Variants in SMOC2 observed in about 807,000 individuals in gnomAD.
The protein encoded by SMOC2 is SPARC-related modular calcium-binding protein 2.
In SMOC2, 39 loss-of-function variants were observed where a neutral mutation model predicts 61.4. The ratio of observed to expected loss-of-function variants is 0.64; its 90% confidence interval spans 0.49 to 0.83. SMOC2 has a LOEUF of 0.83. Ranked by LOEUF, SMOC2 falls within the 40% of genes least tolerant of loss-of-function variation. SMOC2 has a pLI of 0.00. For synonymous variants in SMOC2, 247 were observed against 239.9 expected (o/e 1.03, Z -0.27); for missense variants, 556 against 592.9 (o/e 0.94, Z 0.65).
chr6:168,547,353 C>A (rs1043387135), intron 6 of SMOC2, among the ~76,000 whole-genome samples, 184 bp downstream of exon 6: 41 of 150,932 alleles, frequency 2.7e-4, no homozygotes, highest in African/African-American at 1.0e-3. Flanking sequence ...AAAAAACAAA[C>A]AAACAAAACT....
intron 9 of SMOC2, among the ~76,000 whole-genome samples, chr6:168,622,540 C>G (rs1370217494): frequency 2.0e-5 from 3 of 152,028 alleles, no homozygotes; most frequent in Non-Finnish European, 4.4e-5. Flanking sequence ...GCTTTTCTTG[C>G]ACGTACCATT....
rs780441208 is a variant in SMOC2 at position 168,510,100 on chromosome 6, T to C, written c.256+14T>C. 8.7e-6 allele frequency: 14 copies of C among 1,610,420 alleles called. No homozygotes were observed. The highest frequency in any genetic ancestry group is 3.3e-5 in the Admixed American group (2 of 59,924). ...GAAACTGCAAAGGTAAGCTGCTGTT[T>C]GATCATTCATCCAAAGATGGGTACA... On this transcript the variant is annotated intron_variant, in intron 2 of 12. Transcript: ENST00000356284.
At chr6:168,459,671 T>G (rs1583031745) in intron 1 of SMOC2, among the ~76,000 whole-genome samples, 2 of 26,688 alleles carry the variant, frequency 7.5e-5, no homozygotes, top group Non-Finnish European at 1.4e-4. Flanking sequence ...AGCACTGGAG[T>G]GGGTGAGCCC....
chr6:168,608,364 C>T (rs936183480), intron 9 of SMOC2, 125 bp downstream of exon 9: 133 of 1,068,570 alleles, frequency 1.2e-4, no homozygotes, highest in Non-Finnish European at 1.7e-4. Context: ...TCTGAGGCCT[C>T]CTACCTCCTT....
chr6:168,620,048 G>T (rs1281143783), intron 9 of SMOC2, among the ~76,000 whole-genome samples: 1 of 152,200 alleles, frequency 6.6e-6, no homozygotes, highest in Non-Finnish European at 1.5e-5. Context: ...CCTGCACCAG[G>T]TTGCTCAGGC....
At chr6:168,643,821 A>C (rs1448019986) in intron 9 of SMOC2, among the ~76,000 whole-genome samples, 2 of 152,194 alleles carry the variant, frequency 1.3e-5, no homozygotes, top group African/African-American at 4.8e-5. Flanking sequence ...TGTGCTGATT[A>C]GTTTCACCAG....
intron 10 of SMOC2, 52 bp from the exon 11 acceptor site, chr6:168,652,902 A>T: frequency 1.3e-6 from 2 of 1,571,744 alleles, no homozygotes; most frequent in Non-Finnish European, 1.7e-6. Flanking sequence ...AGTGGCCAGG[A>T]AGGAGCAGCC....
intron 1 of SMOC2, among the ~76,000 whole-genome samples, chr6:168,474,630 A>G (rs1157735119): frequency 1.3e-5 from 2 of 152,130 alleles, no homozygotes; most frequent in African/African-American, 2.4e-5. Flanking sequence ...GACGTATACA[A>G]CTGCCTCCTT....
At chr6:168,619,972 G>A (rs1307946782) in intron 9 of SMOC2, among the ~76,000 whole-genome samples, 1 of 152,202 alleles carries the variant, frequency 6.6e-6, no homozygotes, top group African/African-American at 2.4e-5. Flanking sequence ...TCGCTCTCAA[G>A]GTTCCGGACA....
chr6:168,552,023 C>T (rs1036946624), intron 7 of SMOC2, among the ~76,000 whole-genome samples: 3 of 152,028 alleles, frequency 2.0e-5, no homozygotes, highest in Non-Finnish European at 2.9e-5. Flanking sequence ...TTAAGTCAGC[C>T]GAGATGAGTG....
intron 9 of SMOC2, among the ~76,000 whole-genome samples, chr6:168,611,573 C>T (rs1413473410): frequency 1.6e-5 from 1 of 64,390 alleles, no homozygotes; most frequent in East Asian, 5.0e-4. Flanking sequence ...CTGTGGCTCC[C>T]GTGTCGGGCC....
Position 168,450,872 on chromosome 6 carries a change from A to G in SMOC2, c.84+9418A>G, listed in dbSNP as rs552993393. Among the ~76,000 whole-genome samples, 339 of 152,298 alleles carry G rather than the reference A, an allele frequency of 2.2e-3. 1 individual carries two copies. Among genetic ancestry groups the G allele is most frequent in the African/African-American group, 7.9e-3 (327 of 41,560 alleles). On this transcript the variant is annotated intron_variant, in intron 1 of 12. Coordinates refer to ENST00000356284, the MANE Select transcript of SMOC2 (RefSeq NM_001166412.2). ...TCCAAATTTAAGATTCTGCTAAACCAGTTTCCACCACTCATTGTTTTTTGA... is the reference window on the plus strand; with the variant it reads ...TCCAAATTTAAGATTCTGCTAAACCGGTTTCCACCACTCATTGTTTTTTGA...
intron 7 of SMOC2, among the ~76,000 whole-genome samples, chr6:168,560,154 C>A (rs372323045): frequency 9.8e-5 from 15 of 152,316 alleles, no homozygotes; most frequent in East Asian, 5.8e-4. Context: ...TATTTATCAT[C>A]TTTCCCCTTT....
At chr6:168,498,139 A>C (rs767746722) in intron 1 of SMOC2, among the ~76,000 whole-genome samples, 2 of 152,128 alleles carry the variant, frequency 1.3e-5, no homozygotes, top group Admixed American at 1.3e-4. Flanking sequence ...TAAATCCTTC[A>C]GTTATGCCTC....
At chr6:168,601,690 A>T (rs1233941531) in intron 8 of SMOC2, among the ~76,000 whole-genome samples, 1 of 152,140 alleles carries the variant, frequency 6.6e-6, no homozygotes, top group African/African-American at 2.4e-5. Flanking sequence ...TGTTTTACAC[A>T]CGCCAATGAA....
At chr6:168,506,182 C>A (rs1782868353) in intron 1 of SMOC2, among the ~76,000 whole-genome samples, 1 of 152,024 alleles carries the variant, frequency 6.6e-6, no homozygotes, top group Non-Finnish European at 1.5e-5. Flanking sequence ...TATTTTGTTA[C>A]ACCCCCATAC....
chr6:168,449,247 A>C (rs905704553), intron 1 of SMOC2, among the ~76,000 whole-genome samples: 2 of 152,198 alleles, frequency 1.3e-5, no homozygotes, highest in African/African-American at 4.8e-5. Flanking sequence ...GTTGAGAAAA[A>C]AATGTAAATC....
intron 1 of SMOC2, among the ~76,000 whole-genome samples, chr6:168,477,401 G>T (rs1040062062): frequency 3.3e-5 from 5 of 152,142 alleles, no homozygotes; most frequent in African/African-American, 1.2e-4. Context: ...CTTGTAACAT[G>T]GTCCTGAGTC....
At chr6:168,513,796 C>A (rs922327347) in intron 2 of SMOC2, among the ~76,000 whole-genome samples, 1 of 152,328 alleles carries the variant, frequency 6.6e-6, no homozygotes, top group South Asian at 2.1e-4. Context: ...CACTGGGTGC[C>A]CCAGAACTCA....
Sources: gnomAD v4.1 joint callset for allele counts (sites outside exome capture counted in the v4.1 genomes callset) on GRCh38, gnomAD v4.1.1 for gene constraint, MANE v1.5 for transcripts, NCBI Gene and HGNC (gene_info 2026-07-23, HGNC 2026-07-21) for gene names.